Variants in SPATC1L observed in about 807,000 individuals in gnomAD.
SPATC1L encodes the protein spermatogenesis and centriole associated 1 like.
SPATC1L carries 20 observed loss-of-function variants against 21.2 expected under a neutral mutation model. That is an observed-to-expected ratio of 0.94 (90% CI 0.66 to 1.37). The LOEUF (loss-of-function observed/expected upper bound fraction) is 1.37, where lower values mean the gene tolerates loss of function less well. SPATC1L is among the 40% of genes most tolerant of loss of function. SPATC1L has a pLI of 0.00. For missense variants in SPATC1L, 499 were observed against 478.7 expected (o/e 1.04, Z -0.40); for synonymous variants, 290 against 234.5 (o/e 1.24, Z -2.16).
Position 46,162,034 on chromosome 21 carries a change from G to GCGTC in SPATC1L, c.574_577dup (p.Ala193GlyfsTer?), listed in dbSNP as rs1568996157. On this transcript the variant is annotated frameshift_variant, in exon 4 of 5. Transcript: ENST00000291672. LOFTEE classifies it high-confidence loss of function. ...GAAGGCGATCTCGCCCACCACGCGC[G>GCGTC]CGTCCTTCTCGGCGCCCGCGAAGCT... is the stretch of plus-strand genomic sequence containing the variant. The GCGTC allele has an allele frequency of 1.3e-6, 2 of 1,592,132 alleles. No individual in the cohort carries two copies. Among genetic ancestry groups the GCGTC allele is most frequent in the Non-Finnish European group, 1.7e-6 (2 of 1,171,680 alleles).
chr21:46,184,195 T>A (rs920668433), intron 1 of SPATC1L, among the ~76,000 whole-genome samples, 161 bp downstream of exon 1: 1 of 152,162 alleles, frequency 6.6e-6, no homozygotes. Context: ...TGCCTGCACG[T>A]AACTGAGGAC....
chr21:46,178,249 A>C (rs1249142818), intron 2 of SPATC1L, among the ~76,000 whole-genome samples: 1 of 151,600 alleles, frequency 6.6e-6, no homozygotes, highest in Non-Finnish European at 1.5e-5. Context: ...AAAAAAAAAA[A>C]AAAAAAACCA....
Position 46,182,697 on chromosome 21 carries a change from C to A in SPATC1L, c.120G>T (p.Gln40His). ...MLRRLLSQSCQEGGGHDLLPP... is the reference protein window; with the variant it reads ...MLRRLLSQSCHEGGGHDLLPP... ...GGAGCAGGTCGTGGCCGCCGCCCTCCTGGCAGCTCTGGCTGAGCAGCCGCC... is the reference window on the plus strand; with the variant it reads ...GGAGCAGGTCGTGGCCGCCGCCCTCATGGCAGCTCTGGCTGAGCAGCCGCC... Residue 40 changes from glutamine (Q) to histidine (H), a missense_variant, in exon 2 of 5, where the codon CAG becomes CAT. Transcript: ENST00000291672. 6.5e-7 allele frequency: 1 copy of A among 1,544,746 alleles called. No homozygotes were observed. Among genetic ancestry groups the A allele is most frequent in the Non-Finnish European group, 8.7e-7 (1 of 1,146,534 alleles).
At chr21:46,170,989 G>C (rs1569000680) in intron 2 of SPATC1L, among the ~76,000 whole-genome samples, 1 of 151,474 alleles carries the variant, frequency 6.6e-6, no homozygotes, top group Non-Finnish European at 1.5e-5. Context: ...GGATGGGGAG[G>C]AGCCTCCTGC....
intron 3 of SPATC1L, among the ~76,000 whole-genome samples, chr21:46,167,221 A>G (rs1403580422): frequency 6.6e-6 from 1 of 152,240 alleles, no homozygotes; most frequent in East Asian, 1.9e-4. Flanking sequence ...ATGTCTTGAA[A>G]CAAATGATAA....
At chr21:46,179,390 T>TCA (rs935958199) in intron 2 of SPATC1L, among the ~76,000 whole-genome samples, 66 of 151,958 alleles carry the variant, frequency 4.3e-4, no homozygotes, top group African/African-American at 1.5e-3. Flanking sequence ...GTAAAAAAAA[T>TCA]CACACACACA....
At chr21:46,162,638 G>A (rs1179967219) in intron 3 of SPATC1L, among the ~76,000 whole-genome samples, 1 of 146,612 alleles carries the variant, frequency 6.8e-6, no homozygotes, top group Non-Finnish European at 1.5e-5. Context: ...CCAGGCTGGA[G>A]TGCAGTGGCG....
chr21:46,162,848 T>C (rs1439093922), intron 3 of SPATC1L, among the ~76,000 whole-genome samples: 2 of 152,050 alleles, frequency 1.3e-5, no homozygotes, highest in East Asian at 1.9e-4. Context: ...CAGCCTCCCA[T>C]AGTGCTGGGA....
rs930703269 is a variant in SPATC1L at position 46,168,500 on chromosome 21, G to A, written c.352C>T (p.Leu118Phe). 1.9e-6 allele frequency: 3 copies of A among 1,557,882 alleles called. No homozygotes were observed. The highest frequency in any genetic ancestry group is 2.7e-5 in the African/African-American group (2 of 73,322). Residue 118 changes from leucine to phenylalanine, a missense_variant, in exon 3 of 5, where the codon CTC (leucine) becomes TTC (phenylalanine). Coordinates refer to ENST00000291672, the MANE Select transcript of SPATC1L (RefSeq NM_001142854.2). ...TGGCTATGTGGCTCTGGGGGACTGAGGAAGGCCTTGAAGGGTGCCTGGGAG... is the reference window on the plus strand; with the variant it reads ...TGGCTATGTGGCTCTGGGGGACTGAAGAAGGCCTTGAAGGGTGCCTGGGAG... ...APSQAPFKAF[L>F]SPPEPHSHRG...
At chr21:46,174,710 A>G (rs1395213410) in intron 2 of SPATC1L, among the ~76,000 whole-genome samples, 1 of 152,234 alleles carries the variant, frequency 6.6e-6, no homozygotes, top group East Asian at 1.9e-4. Context: ...ACATAATAAT[A>G]GTGAGAGACT....
chr21:46,180,108 A>C (rs1406907869), intron 2 of SPATC1L, among the ~76,000 whole-genome samples: 1 of 152,254 alleles, frequency 6.6e-6, no homozygotes, highest in African/African-American at 2.4e-5. Context: ...GCGCCTGCGC[A>C]GGCCACCCAC....
At chr21:46,180,559 G>A (rs1289775990) in intron 2 of SPATC1L, among the ~76,000 whole-genome samples, 2 of 152,226 alleles carry the variant, frequency 1.3e-5, no homozygotes, top group Admixed American at 6.5e-5. Context: ...ATTGCTGGTG[G>A]TGGTTCCTTT....
At chr21:46,175,414 C>G (rs951173466) in intron 2 of SPATC1L, among the ~76,000 whole-genome samples, 1 of 151,872 alleles carries the variant, frequency 6.6e-6, no homozygotes, top group African/African-American at 2.4e-5. Flanking sequence ...ATACCACTAG[C>G]TAGACTAATA....
intron 2 of SPATC1L, among the ~76,000 whole-genome samples, chr21:46,171,939 G>GAAA (rs66628257): frequency 9.3e-4 from 63 of 67,816 alleles, no homozygotes; most frequent in African/African-American, 3.1e-3. Flanking sequence ...ATAACCCCCA[G>GAAA]AAAAAAAAAA....
At chr21:46,182,368 A>G (rs1601396203) in intron 2 of SPATC1L, among the ~76,000 whole-genome samples, 1 of 152,216 alleles carries the variant, frequency 6.6e-6, no homozygotes, top group African/African-American at 2.4e-5. Flanking sequence ...GGACACTTCC[A>G]TGACTGCAGC....
Position 46,161,957 on chromosome 21 carries a change from A to G in SPATC1L, c.655T>C (p.Tyr219His). The G allele has an allele frequency of 2.5e-6, 4 of 1,608,380 alleles. No individual in the cohort carries two copies. The highest frequency in any genetic ancestry group is 3.4e-6 in the Non-Finnish European group (4 of 1,179,372). The change falls in exon 4 of 5, where the codon TAC becomes CAC. Residue 219 changes from tyrosine to histidine, a missense_variant. Physicochemically the swap from Tyr to His is moderately conservative, Grantham distance 83 (BLOSUM62 2). Transcript: ENST00000291672. ...AYVFPGVTRL[Y>H]GFTVANIPEK... The stretch of plus-strand genomic sequence containing the variant: ...GGGATGTTGGCCACCGTGAAGCCGT[A>G]GAGCCGCGTCACGCCCGGGAACACG...
intron 3 of SPATC1L, among the ~76,000 whole-genome samples, chr21:46,163,159 A>G (rs898306033): frequency 1.3e-5 from 2 of 152,208 alleles, no homozygotes; most frequent in Admixed American, 1.3e-4. Flanking sequence ...CAGGTCCTGT[A>G]GTGATTTTTC....
intron 2 of SPATC1L, among the ~76,000 whole-genome samples, chr21:46,179,919 G>A (rs967102060): frequency 3.3e-5 from 5 of 152,354 alleles, no homozygotes; most frequent in East Asian, 1.9e-4. Flanking sequence ...CCCAGCTGAC[G>A]GGGACAGATG....
Position 46,172,579 on chromosome 21 carries a change from G to A in SPATC1L, c.194-3921C>T, listed in dbSNP as rs1045632710. On this transcript the variant is annotated intron_variant, in intron 2 of 4. Transcript: ENST00000291672. ...CACAGCTGGTCAGGAGGACCAGGATGCGGCCAAAACCCTCTCTCACCTTCC... is the reference window on the plus strand; with the variant it reads ...CACAGCTGGTCAGGAGGACCAGGATACGGCCAAAACCCTCTCTCACCTTCC... Among the ~76,000 whole-genome samples, 7 of 152,234 alleles carry A rather than the reference G, an allele frequency of 4.6e-5. No homozygotes were observed. In the East Asian group the frequency reaches 1.3e-3, roughly 29 times the overall value.
Sources: allele counts gnomAD v4.1 joint callset (sites outside exome capture counted in the v4.1 genomes callset), GRCh38; gene constraint gnomAD v4.1.1; transcripts MANE v1.5; gene names NCBI Gene and HGNC (gene_info 2026-07-23, HGNC 2026-07-21).